Variants in SDK1 observed in about 807,000 individuals in gnomAD.
SDK1 encodes protein sidekick-1.
A neutral mutation model predicts 245.5 loss-of-function variants in SDK1; 157 were observed. The ratio of observed to expected loss-of-function variants is 0.64; its 90% CI spans 0.56 to 0.73. SDK1 has a LOEUF of 0.73. Among genes scored for constraint, SDK1 ranks in the 30% least tolerant of loss-of-function variants. The probability of loss-of-function intolerance (pLI) is 0.00; values close to 1 mark genes in which losing one functional copy is unlikely to be tolerated. For missense variants in SDK1, 3,583 were observed against 3,002.3 expected, an observed-to-expected ratio of 1.19 and a Z score of -4.52; for synonymous variants, 1,647 against 1,278.5, an observed-to-expected ratio of 1.29 and a Z score of -6.15.
chr7:3,974,379 A>G lies in SDK1; in HGVS notation c.1828A>G (p.Lys610Glu). Residue 610 changes from lysine to glutamate, a missense_variant, in exon 13 of 45, where the codon AAG becomes GAG. Coordinates refer to ENST00000404826, the MANE Select transcript of SDK1 (RefSeq NM_152744.4). The part of the protein sequence containing the change: ...DPRVSLRYVW[K>E]KDNVALTPSS... Reference sequence around the variant, plus strand: ...TTGCTTGGCCCACAGCTACGTTTGGAAGAAGGACAACGTGGCCCTGACTCC... The same window carrying G: ...TTGCTTGGCCCACAGCTACGTTTGGGAGAAGGACAACGTGGCCCTGACTCC... 6.2e-7 allele frequency: 1 copy of G among 1,612,452 alleles called. No homozygotes were observed. The highest frequency in any genetic ancestry group is 2.2e-5 in the East Asian group (1 of 44,814).
At chr7:3,476,495 C>A (rs1351741401) in intron 1 of SDK1, among the ~76,000 whole-genome samples, 6 of 152,158 alleles carry the variant, frequency 3.9e-5, no homozygotes, top group African/African-American at 1.4e-4. Context: ...CCGAATGATA[C>A]AACTTAGTGA....
intron 5 of SDK1, among the ~76,000 whole-genome samples, chr7:3,949,466 G>A (rs565239879): frequency 2.6e-4 from 39 of 152,276 alleles, no homozygotes; most frequent in Non-Finnish European, 4.4e-4. Context: ...ACCGCCAGCC[G>A]GGCAGGCTAG....
At chr7:4,011,887 G>A (rs544399033) in intron 15 of SDK1, among the ~76,000 whole-genome samples, 1 of 152,232 alleles carries the variant, frequency 6.6e-6, no homozygotes, top group East Asian at 1.9e-4. Context: ...TTTCCTCGTT[G>A]CTTGGTTAAC....
intron 1 of SDK1, among the ~76,000 whole-genome samples, chr7:3,361,565 A>G (rs1434049463): frequency 1.3e-5 from 2 of 152,084 alleles, no homozygotes; most frequent in Non-Finnish European, 2.9e-5. Flanking sequence ...TAAATCTACA[A>G]TTTTACCCTC....
intron 4 of SDK1, among the ~76,000 whole-genome samples, chr7:3,820,629 C>G (rs1779621727): frequency 1.3e-5 from 2 of 152,206 alleles, no homozygotes; most frequent in South Asian, 4.1e-4. Flanking sequence ...TAATGAGAGT[C>G]TTTCTATGGT....
rs3066355 is a variant in SDK1, at chr7:4,068,714, T to TTTTATTTATTTATTTATTTATTTA, written c.3010+780_3010+803dup. Among the ~76,000 whole-genome samples the TTTTATTTATTTATTTATTTATTTA allele has an allele frequency of 4.1e-3, 609 of 149,530 alleles. 6 individuals carry two copies. Among genetic ancestry groups the TTTTATTTATTTATTTATTTATTTA allele is most frequent in the South Asian group, 0.01 (47 of 4,664 alleles). On this transcript the variant is annotated intron_variant, in intron 20 of 44. Transcript: ENST00000404826. The stretch of plus-strand genomic sequence containing the variant: ...TCACCTTTTTTAGGGTTTTTAATGA[T>TTTTATTTATTTATTTATTTATTTA]TTTATTTATTTATTTATTTATTTAT...
At chr7:4,152,223 A>G (rs1046637684) in intron 30 of SDK1, among the ~76,000 whole-genome samples, 1 of 152,180 alleles carries the variant, frequency 6.6e-6, no homozygotes, top group African/African-American at 2.4e-5. Flanking sequence ...GGTTCCTGCC[A>G]GCATCTCACT....
intron 1 of SDK1, among the ~76,000 whole-genome samples, chr7:3,364,567 T>C (rs188821433): frequency 3.2e-4 from 49 of 152,164 alleles, no homozygotes; most frequent in Non-Finnish European, 4.7e-4. Flanking sequence ...TTTTTGCACC[T>C]CTCTCAAAAA....
chr7:3,307,579 T>C (rs193110332), intron 1 of SDK1, among the ~76,000 whole-genome samples: 170 of 152,298 alleles, frequency 1.1e-3, no homozygotes, highest in African/African-American at 3.7e-3. Flanking sequence ...TTCTAGTGTT[T>C]AGGTGGTTGG....
chr7:4,106,874 G>C (rs1051955457), intron 22 of SDK1, among the ~76,000 whole-genome samples: 4 of 151,844 alleles, frequency 2.6e-5, no homozygotes, highest in African/African-American at 4.8e-5. Context: ...CTGTGGCTGA[G>C]AGCCTGCCCT....
At chr7:3,465,208 G>C (rs1780958250) in intron 1 of SDK1, among the ~76,000 whole-genome samples, 1 of 152,150 alleles carries the variant, frequency 6.6e-6, no homozygotes, top group South Asian at 2.1e-4. Context: ...TTGACTTGTA[G>C]CATCTCTGGA....
At chr7:3,717,309 A>G (rs994997760) in intron 4 of SDK1, among the ~76,000 whole-genome samples, 1 of 151,936 alleles carries the variant, frequency 6.6e-6, no homozygotes, top group African/African-American at 2.4e-5. Flanking sequence ...AACTTTAAAC[A>G]TGTGGATATT....
chr7:3,346,827 A>ATATAATTTTTTTT (rs1228887289), intron 1 of SDK1, among the ~76,000 whole-genome samples: 1 of 16,386 alleles, frequency 6.1e-5, no homozygotes, highest in Non-Finnish European at 1.1e-4. Flanking sequence ...ATATATATAT[A>ATATAATTTTTTTT]TTTTTTTTTT....
chr7:3,312,341 A>G (rs1779570085), intron 1 of SDK1, among the ~76,000 whole-genome samples: 1 of 152,294 alleles, frequency 6.6e-6, no homozygotes, highest in African/African-American at 2.4e-5. Flanking sequence ...TTGCAATACA[A>G]AAATTGCCCA....
chr7:3,304,770 G>A (rs1041527739), intron 1 of SDK1, among the ~76,000 whole-genome samples: 3 of 152,080 alleles, frequency 2.0e-5, no homozygotes, highest in Non-Finnish European at 4.4e-5. Context: ...CCAGACACCT[G>A]CTGACTTCCT....
chr7:3,714,698 T>C (rs1264161015), intron 4 of SDK1, among the ~76,000 whole-genome samples: 3 of 152,212 alleles, frequency 2.0e-5, no homozygotes, highest in Non-Finnish European at 4.4e-5. Context: ...AAGACACTTA[T>C]TTTCTCTCAA....
intron 1 of SDK1, among the ~76,000 whole-genome samples, chr7:3,504,230 A>G (rs1264274829): frequency 9.3e-6 from 1 of 107,374 alleles, no homozygotes; most frequent in Non-Finnish European, 2.1e-5. Flanking sequence ...AACACAATTC[A>G]TATCAAAATC....
At chr7:3,714,261 A>C (rs1313387422) in intron 4 of SDK1, among the ~76,000 whole-genome samples, 1 of 152,238 alleles carries the variant, frequency 6.6e-6, no homozygotes, top group African/African-American at 2.4e-5. Context: ...TTGTGTAGCC[A>C]GACCCGTTGC....
At chr7:4,071,830 C>T (rs1780275221) in intron 20 of SDK1, among the ~76,000 whole-genome samples, 2 of 152,180 alleles carry the variant, frequency 1.3e-5, no homozygotes, top group South Asian at 2.1e-4. Flanking sequence ...TCTGCCCAGT[C>T]GCCTTTCAGG....
Sources: gnomAD v4.1 joint callset for allele counts (sites outside exome capture counted in the v4.1 genomes callset) on GRCh38, gnomAD v4.1.1 for gene constraint, MANE v1.5 for transcripts, NCBI Gene and HGNC (gene_info 2026-07-23, HGNC 2026-07-21) for gene names.